The following SVOPL variants were observed in gnomAD, a reference collection of about 807,000 sequenced individuals.
SVOPL encodes SVOP like.
SVOPL carries 60 observed loss-of-function variants against 61.0 expected under a neutral mutation model. That is an observed-to-expected ratio of 0.98 (90% CI 0.80 to 1.22). The LOEUF is 1.22. Among genes scored for constraint, SVOPL ranks in the 50% most tolerant of loss-of-function variants. The pLI is 0.00. For missense variants in SVOPL, 662 were observed against 643.9 expected (o/e 1.03, Z -0.30); for synonymous variants, 279 against 250.0 (o/e 1.12, Z -1.09).
intron 7 of SVOPL, among the ~76,000 whole-genome samples, chr7:138,649,345 G>C (rs1801306287): frequency 6.6e-6 from 1 of 152,200 alleles, no homozygotes; most frequent in African/African-American, 2.4e-5. Context: ...CCAGGCTGGA[G>C]TGCAGTGATC....
chr7:138,673,086 A>G (rs1802471202), intron 3 of SVOPL, among the ~76,000 whole-genome samples: 1 of 152,160 alleles, frequency 6.6e-6, no homozygotes, highest in Non-Finnish European at 1.5e-5. Context: ...GGAGGAAAAA[A>G]AGGGAATTAA....
intron 14 of SVOPL, among the ~76,000 whole-genome samples, chr7:138,620,493 T>C (rs1408651052): frequency 7.0e-6 from 1 of 142,754 alleles, no homozygotes; most frequent in Non-Finnish European, 1.5e-5. Context: ...GCAAGCTCCA[T>C]AGCCCTCTGA....
intron 5 of SVOPL, chr7:138,660,778 C>A (rs1414978956): frequency 1.0e-5 from 10 of 983,304 alleles, no homozygotes; most frequent in East Asian, 1.1e-4. Context: ...AAAAATTATA[C>A]CAATAGGGTT....
intron 1 of SVOPL, chr7:138,689,366 C>T (rs908687656): frequency 2.0e-5 from 31 of 1,583,546 alleles, no homozygotes; most frequent in Non-Finnish European, 2.2e-5. Context: ...GCCGCCGGAT[C>T]GACAGAGCTT....
chr7:138,687,510 T>C (rs1802845769), intron 1 of SVOPL, among the ~76,000 whole-genome samples: 2 of 151,934 alleles, frequency 1.3e-5, no homozygotes, highest in Non-Finnish European at 2.9e-5. Context: ...GTGCTGAGAT[T>C]AGAGGCATGA....
In SVOPL at chr7:138,637,427, CATAT is replaced by C. The variant is rs377328822; in HGVS notation, c.789+7286_789+7289del. Among the ~76,000 whole-genome samples, 503 of 71,454 alleles carry C rather than the reference CATAT, an allele frequency of 7.0e-3. 4 individuals are homozygous for C. Among genetic ancestry groups the C allele is most frequent in the Admixed American group, 0.011 (70 of 6,430 alleles). The allele number at this position is 71,454 out of a possible 152,430, so 46.9% of individuals were successfully genotyped here. A position where few individuals can be genotyped will look rare whatever the true frequency, so the allele number is the denominator to read the frequency against. ...TAGGTGACAGAGCAAGACTCCATCT[CATAT>C]ATATATATATAGATAGATAGATAGA... On this transcript the variant is annotated intron_variant, in intron 9 of 15. Coordinates refer to ENST00000674285, the MANE Select transcript of SVOPL (RefSeq NM_001139456.2).
chr7:138,690,713 T>C (rs1802920413), intron 1 of SVOPL, among the ~76,000 whole-genome samples: 1 of 152,120 alleles, frequency 6.6e-6, no homozygotes, highest in South Asian at 2.1e-4. Flanking sequence ...ACCATGGTGA[T>C]GGTTGCACAA....
intron 1 of SVOPL, among the ~76,000 whole-genome samples, chr7:138,697,328 A>C (rs17160475): frequency 0.031 from 4,658 of 152,290 alleles, 87 homozygotes; most frequent in Middle Eastern, 0.075. Flanking sequence ...TTGCCAAAAA[A>C]ATACAGGTAC....
chr7:138,650,712 C>T (rs1444320568), intron 7 of SVOPL, among the ~76,000 whole-genome samples: 1 of 59,520 alleles, frequency 1.7e-5, no homozygotes, highest in East Asian at 4.8e-4. Flanking sequence ...ACTTAGGAGG[C>T]TGAGGTGGAA....
intron 1 of SVOPL, among the ~76,000 whole-genome samples, chr7:138,699,089 T>C (rs1299898972): frequency 3.3e-5 from 5 of 152,050 alleles, no homozygotes; most frequent in African/African-American, 7.2e-5. Flanking sequence ...GAGGCGGAGG[T>C]TGCAGTGAGC....
At chr7:138,619,561 TAAAAA>T (rs11440977) in intron 14 of SVOPL, among the ~76,000 whole-genome samples, 897 of 60,318 alleles carry the variant, frequency 0.015, 18 homozygotes, top group African/African-American at 0.049. Context: ...TCTCAGATGT[TAAAAA>T]AAAAAAAAAA....
intron 14 of SVOPL, among the ~76,000 whole-genome samples, chr7:138,601,604 G>A (rs1044718259): frequency 1.3e-5 from 2 of 152,008 alleles, no homozygotes; most frequent in African/African-American, 2.4e-5. Flanking sequence ...GATTACCAGG[G>A]GTAGGGGGAA....
At chr7:138,604,292 T>G (rs752122212) in intron 14 of SVOPL, among the ~76,000 whole-genome samples, 10 of 152,172 alleles carry the variant, frequency 6.6e-5, no homozygotes, top group African/African-American at 1.2e-4. Context: ...GATATTCAGT[T>G]ACATACTTCT....
chr7:138,643,155 G>A (rs548767632), intron 9 of SVOPL, among the ~76,000 whole-genome samples: 10 of 151,644 alleles, frequency 6.6e-5, no homozygotes, highest in South Asian at 2.1e-4. Context: ...GGCCAGGTGC[G>A]GTGGCTCACG....
chr7:138,656,981 G>C (rs1004535190), intron 6 of SVOPL, among the ~76,000 whole-genome samples: 2 of 151,868 alleles, frequency 1.3e-5, no homozygotes, highest in South Asian at 4.2e-4. Flanking sequence ...GGTGGAGGTT[G>C]TGGTGAGCCA....
intron 4 of SVOPL, among the ~76,000 whole-genome samples, chr7:138,669,645 C>T (rs1446188561): frequency 6.6e-6 from 1 of 152,112 alleles, no homozygotes; most frequent in East Asian, 1.9e-4. Flanking sequence ...TAATGCGTGC[C>T]TCACTCCTCC....
rs192196510 is a variant in SVOPL at position 138,639,345 on chromosome 7, G to A, written c.789+5372C>T. Reference sequence around the variant, plus strand: ...TCCAACTCATTATTAAAAGAATATCGGCTGGGCACAGTGGCTCATGCCTGT... The same window carrying A: ...TCCAACTCATTATTAAAAGAATATCAGCTGGGCACAGTGGCTCATGCCTGT... On this transcript the variant is annotated intron_variant, in intron 9 of 15. Coordinates refer to ENST00000674285, the MANE Select transcript of SVOPL (RefSeq NM_001139456.2). Among the ~76,000 whole-genome samples the A allele has an allele frequency of 1.3e-3, 194 of 151,682 alleles. 1 individual carries two copies. Among genetic ancestry groups the A allele is most frequent in the African/African-American group, 4.4e-3 (184 of 41,368 alleles).
chr7:138,602,440 G>A (rs1478280447), intron 14 of SVOPL, among the ~76,000 whole-genome samples: 3 of 85,708 alleles, frequency 3.5e-5, no homozygotes, highest in Non-Finnish European at 6.7e-5. Context: ...AAAGGCAGTT[G>A]CTATATATAT....
At chr7:138,596,383 T>C (rs759385758) in intron 15 of SVOPL, 34 bp downstream of exon 15, 2 of 1,601,918 alleles carry the variant, frequency 1.2e-6, no homozygotes, top group Non-Finnish European at 1.7e-6. Flanking sequence ...AAAGTGGTAG[T>C]TGAAAAGACT....
Sources: gnomAD v4.1 joint callset for allele counts (sites outside exome capture counted in the v4.1 genomes callset) on GRCh38, gnomAD v4.1.1 for gene constraint, MANE v1.5 for transcripts, NCBI Gene and HGNC (gene_info 2026-07-23, HGNC 2026-07-21) for gene names.